RDM1: variants seen among roughly 807,000 people sequenced by gnomAD.
RDM1 encodes RAD52 motif-containing protein 1.
Under a neutral mutation model 27.7 loss-of-function variants are expected in RDM1, and 28 were observed. The ratio of observed to expected loss-of-function variants is 1.01; its 90% CI spans 0.75 to 1.39. RDM1 has a LOEUF of 1.39. Among genes scored for constraint, RDM1 ranks in the 40% most tolerant of loss-of-function variants. The pLI, the probability that RDM1 is intolerant of heterozygous loss-of-function variation, is 0.00. For synonymous variants in RDM1, 124 were observed against 127.5 expected (o/e 0.97, Z 0.19); for missense variants, 277 against 337.3 (o/e 0.82, Z 1.40).
At chr17:35,930,391 T>A in intron 1 of RDM1, 136 bp from the exon 2 acceptor site, 1 of 1,235,156 alleles carries the variant, frequency 8.1e-7, no homozygotes, top group Non-Finnish European at 1.1e-6. Flanking sequence ...CAGGTTTTCC[T>A]CTTAAAATCC....
chr17:35,920,144 GT>G, intron 6 of RDM1, 42 bp downstream of exon 6: 1 of 939,712 alleles, frequency 1.1e-6, no homozygotes, highest in Non-Finnish European at 1.7e-6. Context: ...TTGAATTATG[GT>G]TACACTGGCT....
intron 1 of RDM1, 154 bp downstream of exon 1, chr17:35,930,477 TG>T (rs1455359999): frequency 3.4e-6 from 3 of 889,286 alleles, no homozygotes; most frequent in Admixed American, 2.8e-5. Context: ...AAAAATCTGT[TG>T]GGGGTCGTCA....
At position 35,920,204 on chromosome 17, in the gene RDM1, G is replaced by A; in HGVS notation, c.736C>T (p.Leu246=). The A allele has an allele frequency of 6.3e-7, 1 of 1,584,464 alleles. No individual in the cohort carries two copies. Among genetic ancestry groups the A allele is most frequent in the South Asian group, 1.1e-5 (1 of 89,708 alleles). Residue 246 remains leucine, a synonymous_variant, in exon 6 of 7, where the codon CTA becomes TTA. Coordinates refer to ENST00000620284, the MANE Select transcript of RDM1 (RefSeq NM_145654.4). The part of the protein sequence containing the change: ...DIVGVRCEEE[L]HGLIQVPCSP... ...TCACATACTTGAATTAAACCGTGTAGTTCTTCTTCGCATCTGACACCTACG... is the reference window on the plus strand; with the variant it reads ...TCACATACTTGAATTAAACCGTGTAATTCTTCTTCGCATCTGACACCTACG...
chr17:35,930,186 C>CT lies in RDM1; in HGVS notation c.165dup (p.Val56SerfsTer11). 6.2e-7 allele frequency: 1 copy of CT among 1,614,158 alleles called. No individual in the cohort carries two copies. Among genetic ancestry groups the CT allele is most frequent in the East Asian group, 2.2e-5 (1 of 44,888 alleles). On this transcript the variant is annotated frameshift_variant, in exon 2 of 7. Coordinates refer to ENST00000620284, the MANE Select transcript of RDM1 (RefSeq NM_145654.4). LOFTEE classifies it high-confidence loss of function. ...ACGGCATAGAAACCAGGATGGGCCA[C>CT]TGCAGCATTTGGGAAGACCCGGACT... is the stretch of plus-strand genomic sequence containing the variant.
intron 5 of RDM1, among the ~76,000 whole-genome samples, chr17:35,920,951 C>T (rs756835074): frequency 5.9e-5 from 9 of 152,206 alleles, no homozygotes; most frequent in Non-Finnish European, 1.3e-4. Context: ...ATAGAGACCA[C>T]TGGGCTAGTA....
chr17:35,926,950 C>CAGTTTT (rs2089172939), intron 2 of RDM1, among the ~76,000 whole-genome samples: 1 of 151,786 alleles, frequency 6.6e-6, no homozygotes, highest in African/African-American at 2.4e-5. Flanking sequence ...AAATAAAGAC[C>CAGTTTT]AGTTTTTAAA....
At chr17:35,926,130 C>CAA (rs200784841) in intron 2 of RDM1, among the ~76,000 whole-genome samples, 5 of 104,108 alleles carry the variant, frequency 4.8e-5, no homozygotes, top group Non-Finnish European at 8.3e-5. Context: ...GAGACTGTCT[C>CAA]AAAAAAAAAA....
rs537214018 is a variant in RDM1 at position 35,925,415 on chromosome 17, A to G, written c.399+100T>C. On this transcript the variant is annotated intron_variant, in intron 3 of 6. Transcript: ENST00000620284. ...ATCCTCAATGGTAGAGGCCTCTCAC[A>G]TCTCCTCCCTACAATCCAGTTCAAT... is the stretch of plus-strand genomic sequence containing the variant. 31 of 1,357,602 alleles carry G rather than the reference A, an allele frequency of 2.3e-5. 1 individual carries two copies. In the Admixed American group the frequency reaches 2.8e-4, roughly 12 times the overall value. 84.1% of individuals were successfully genotyped at this position (1,357,602 alleles called of 1,614,324 possible).
intron 2 of RDM1, among the ~76,000 whole-genome samples, chr17:35,927,882 A>C (rs2089203376): frequency 6.6e-6 from 1 of 152,192 alleles, no homozygotes; most frequent in Non-Finnish European, 1.5e-5. Flanking sequence ...TACCTTTATA[A>C]TATTTGAGTG....
rs775100217 is a variant in RDM1 at position 35,930,131 on chromosome 17, T to C, written c.221A>G (p.His74Arg). 1 of 1,614,198 alleles carries C rather than the reference T, an allele frequency of 6.2e-7. No homozygotes were observed. Among genetic ancestry groups the C allele is most frequent in the Admixed American group, 1.7e-5 (1 of 60,026 alleles). ...CCGGTCGCATGCCTTTTGGGCTCTG[T>C]GGGCAGCCCTTGCAGAATAAAACTT... Reference protein sequence around the residue: ...VIKFYSARAAHRAQKACDRKQ... With the variant: ...VIKFYSARAARRAQKACDRKQ... Residue 74 changes from histidine (H) to arginine (R), a missense_variant, in exon 2 of 7, where the codon CAC becomes CGC. By Grantham distance (29) the His-to-Arg change is conservative. Transcript: ENST00000620284.
At position 35,928,159 on chromosome 17, in the gene RDM1, A is replaced by G. The variant is rs150263618; in HGVS notation, c.276+1917T>C. On this transcript the variant is annotated intron_variant, in intron 2 of 6. Coordinates refer to ENST00000620284, the MANE Select transcript of RDM1 (RefSeq NM_145654.4). ...AGCAAGATTAGTAGGAAGCAGTCAG[A>G]TCAAGTAGCCAATCAGGAATTGAAA... is the stretch of plus-strand genomic sequence containing the variant. Among the ~76,000 whole-genome samples the G allele has an allele frequency of 4.2e-3, 639 of 152,364 alleles. 8 individuals are homozygous for G. The highest frequency in any genetic ancestry group is 0.015 in the African/African-American group (611 of 41,584).
intron 4 of RDM1, among the ~76,000 whole-genome samples, chr17:35,923,349 C>CA (rs1013511994): frequency 0.22 from 10,379 of 46,892 alleles, 1,087 homozygotes; most frequent in South Asian, 0.29. Flanking sequence ...GATTCTGTCT[C>CA]AAAAAAAAAA....
rs1483902102 is a variant in RDM1 at position 35,930,669 on chromosome 17, C to T, written c.59G>A (p.Trp20Ter). The T allele has an allele frequency of 3.7e-6, 6 of 1,613,844 alleles. No homozygotes were observed. Among genetic ancestry groups the T allele is most frequent in the Non-Finnish European group, 5.1e-6 (6 of 1,180,034 alleles). The change falls in exon 1 of 7, where the codon TGG (tryptophan) becomes TAG (stop). Residue 20 changes from tryptophan (W) to a stop codon, truncating the protein, a stop_gained. Coordinates refer to ENST00000620284, the MANE Select transcript of RDM1 (RefSeq NM_145654.4). LOFTEE classifies it high-confidence loss of function. ...GGCCGTGGGTCCGGAGCTCAGCTCC[C>T]ACACTAGCAAGGTTTTGTCACTCTC... ...PIESDKTLLV[W>*]ELSSGPTAEA...
intron 2 of RDM1, among the ~76,000 whole-genome samples, chr17:35,929,753 AT>A (rs923034761): frequency 6.6e-6 from 1 of 152,022 alleles, no homozygotes; most frequent in African/African-American, 2.4e-5. Context: ...TATCTTTACA[AT>A]TTTTTTTATA....
intron 4 of RDM1, among the ~76,000 whole-genome samples, chr17:35,923,564 G>T (rs2089027903): frequency 6.6e-6 from 1 of 151,378 alleles, no homozygotes; most frequent in South Asian, 2.1e-4. Context: ...TTGGGAGGCT[G>T]AGGCAGGAGA....
rs1225677145 is a variant in RDM1 at position 35,924,780 on chromosome 17, G to T, written c.400-8C>A. On this transcript the variant is annotated splice_region_variant and splice_polypyrimidine_tract_variant and intron_variant, in intron 3 of 6. Coordinates refer to ENST00000620284, the MANE Select transcript of RDM1 (RefSeq NM_145654.4). ...GTCAGAAAGCTCCTGAAGCTGTAAG[G>T]ATATTTAATGTAAGGTCCTTCCTGG... 1.2e-5 allele frequency: 20 copies of T among 1,612,612 alleles called. No individual in the cohort carries two copies. The highest frequency in any genetic ancestry group is 1.6e-5 in the Non-Finnish European group (19 of 1,178,988).
chr17:35,918,245 A>T lies in RDM1; in HGVS notation c.*97T>A. 9.8e-7 allele frequency: 1 copy of T among 1,023,522 alleles called. No homozygotes were observed. Among genetic ancestry groups the T allele is most frequent in the South Asian group, 1.4e-5 (1 of 73,202 alleles). 63.4% of individuals were successfully genotyped at this position (1,023,522 alleles called of 1,614,324 possible). A position where few individuals can be genotyped will look rare whatever the true frequency, so the allele number is the denominator to read the frequency against. On this transcript the variant is annotated 3_prime_UTR_variant, in exon 7 of 7. Transcript: ENST00000620284. ...GGCGGCCGACCCAGGTGGTTCCAGG[A>T]CTCCAGCAGCCTATAGTGGTGGGGC...
intron 5 of RDM1, among the ~76,000 whole-genome samples, chr17:35,920,870 C>T (rs536924298): frequency 6.6e-6 from 1 of 152,206 alleles, no homozygotes; most frequent in South Asian, 2.1e-4. Context: ...ATGTGGAAAC[C>T]AAAATGCTCA....
chr17:35,919,029 T>A (rs1165939776), intron 6 of RDM1, among the ~76,000 whole-genome samples: 1 of 152,226 alleles, frequency 6.6e-6, no homozygotes, highest in Non-Finnish European at 1.5e-5. Flanking sequence ...CTGAAATCAG[T>A]GCTGACTTTC....
Sources: allele counts gnomAD v4.1 joint callset (sites outside exome capture counted in the v4.1 genomes callset), GRCh38; gene constraint gnomAD v4.1.1; transcripts MANE v1.5; gene names NCBI Gene and HGNC (gene_info 2026-07-23, HGNC 2026-07-21).